COL25A1: variants seen among roughly 807,000 people sequenced by gnomAD.
COL25A1 encodes collagen type XXV alpha 1 chain.
A neutral mutation model predicts 128.4 loss-of-function variants in COL25A1; 103 were observed. The ratio of observed to expected loss-of-function variants is 0.80; its 90% CI spans 0.68 to 0.94. The LOEUF (loss-of-function observed/expected upper bound fraction) is 0.94. Among genes scored for constraint, COL25A1 ranks in the 40% least tolerant of loss-of-function variants. COL25A1 has a pLI of 0.00. For synonymous variants in COL25A1, 279 were observed against 277.2 expected, an observed-to-expected ratio of 1.01 and a Z score of -0.06; for missense variants, 745 against 840.0, an observed-to-expected ratio of 0.89 and a Z score of 1.40.
chr4:109,299,736 C>T (rs1307978734), intron 3 of COL25A1, among the ~76,000 whole-genome samples: 1 of 152,126 alleles, frequency 6.6e-6, no homozygotes, highest in Non-Finnish European at 1.5e-5. Context: ...AAATAAACAT[C>T]TCAACTCATG....
intron 8 of COL25A1, among the ~76,000 whole-genome samples, chr4:108,961,622 TTCTGTTGTTG>T (rs1400277903): frequency 6.0e-5 from 9 of 151,254 alleles, no homozygotes; most frequent in African/African-American, 2.2e-4. Context: ...TTCTGTTCTG[TTCTGTTGTTG>T]TGTTGTGCTG....
chr4:108,887,257 T>A (rs1219954038), intron 18 of COL25A1, among the ~76,000 whole-genome samples: 2 of 152,184 alleles, frequency 1.3e-5, no homozygotes, highest in East Asian at 3.9e-4. Context: ...TGTACTTTTC[T>A]GGGAGTGTCT....
intron 19 of COL25A1, among the ~76,000 whole-genome samples, chr4:108,870,544 C>T (rs1341099798): frequency 2.6e-5 from 4 of 151,684 alleles, no homozygotes; most frequent in African/African-American, 7.3e-5. Context: ...CATACCCTTA[C>T]GACTATTAGA....
At chr4:109,090,005 AG>A (rs1451687524) in intron 3 of COL25A1, among the ~76,000 whole-genome samples, 3 of 152,022 alleles carry the variant, frequency 2.0e-5, no homozygotes, top group African/African-American at 7.2e-5. Context: ...ATGAAGTTTG[AG>A]TTTACCAAAT....
At chr4:109,145,400 A>G (rs182770706) in intron 3 of COL25A1, among the ~76,000 whole-genome samples, 1 of 152,308 alleles carries the variant, frequency 6.6e-6, no homozygotes, top group Non-Finnish European at 1.5e-5. Context: ...ATATAGCCAC[A>G]TTCTGTGAAG....
At chr4:108,971,993 T>C (rs1433360653) in intron 8 of COL25A1, among the ~76,000 whole-genome samples, 2 of 152,190 alleles carry the variant, frequency 1.3e-5, no homozygotes, top group Non-Finnish European at 2.9e-5. Context: ...TCTTAATTTC[T>C]ATATGATCTT....
chr4:109,065,725 T>C (rs1762393191), intron 3 of COL25A1, among the ~76,000 whole-genome samples: 1 of 152,186 alleles, frequency 6.6e-6, no homozygotes, highest in Non-Finnish European at 1.5e-5. Flanking sequence ...TGAACAACTC[T>C]ATTTTTATTT....
intron 3 of COL25A1, among the ~76,000 whole-genome samples, chr4:109,236,922 CA>C (rs1001412711): frequency 2.0e-5 from 3 of 150,860 alleles, no homozygotes; most frequent in Non-Finnish European, 3.0e-5. Flanking sequence ...TTTAAGTGTA[CA>C]AAAAAAATTT....
intron 24 of COL25A1, among the ~76,000 whole-genome samples, chr4:108,856,256 T>G (rs997416966): frequency 6.6e-6 from 1 of 152,220 alleles, no homozygotes; most frequent in African/African-American, 2.4e-5. Context: ...GAGGTTTTAC[T>G]GCTAATTTGT....
At chr4:109,160,141 G>A (rs1772419903) in intron 3 of COL25A1, among the ~76,000 whole-genome samples, 1 of 152,070 alleles carries the variant, frequency 6.6e-6, no homozygotes, top group Admixed American at 6.6e-5. Flanking sequence ...TATGACCAAA[G>A]TTTAAACACC....
intron 3 of COL25A1, among the ~76,000 whole-genome samples, chr4:109,088,418 T>C (rs1764598587): frequency 6.6e-6 from 1 of 152,230 alleles, no homozygotes; most frequent in Non-Finnish European, 1.5e-5. Context: ...TATTTTTAAT[T>C]GTAAATTGAC....
At chr4:109,202,333 AATG>A (rs1461014128) in intron 3 of COL25A1, among the ~76,000 whole-genome samples, 8 of 152,158 alleles carry the variant, frequency 5.3e-5, no homozygotes, top group African/African-American at 1.9e-4. Flanking sequence ...ATCATTGACA[AATG>A]AGCAATGGCA....
chr4:109,155,949 A>T (rs990065201), intron 3 of COL25A1, among the ~76,000 whole-genome samples: 1 of 152,226 alleles, frequency 6.6e-6, no homozygotes, highest in Non-Finnish European at 1.5e-5. Context: ...GATCCATAAG[A>T]AAAACAAAAA....
At chr4:109,113,890 T>C (rs151151146) in intron 3 of COL25A1, among the ~76,000 whole-genome samples, 1 of 152,070 alleles carries the variant, frequency 6.6e-6, no homozygotes, top group Non-Finnish European at 1.5e-5. Context: ...TAACTTAGCA[T>C]CCCTAAGTGT....
chr4:108,978,968 T>C (rs1370015183), intron 6 of COL25A1, among the ~76,000 whole-genome samples: 1 of 152,220 alleles, frequency 6.6e-6, no homozygotes, highest in East Asian at 1.9e-4. Flanking sequence ...TAGTTGTATG[T>C]AATTAATCCT....
intron 5 of COL25A1, among the ~76,000 whole-genome samples, chr4:109,032,872 G>A (rs1758998502): frequency 6.6e-6 from 1 of 152,190 alleles, no homozygotes; most frequent in South Asian, 2.1e-4. Context: ...ACTGGGGAGA[G>A]AATAAAGCAC....
Position 108,885,989 on chromosome 4 carries a change from T to G in COL25A1, c.976-1767A>C, listed in dbSNP as rs1045358382. On this transcript the variant is annotated intron_variant, in intron 18 of 37. Coordinates refer to ENST00000399132, the MANE Select transcript of COL25A1 (RefSeq NM_198721.4). ...CATACATAGACACACACCCATGTTT[T>G]TAATCAAGAAAAAGATGTGTAAGAC... is the stretch of plus-strand genomic sequence containing the variant. Among the ~76,000 whole-genome samples the G allele has an allele frequency of 2.0e-5, 3 of 152,194 alleles. 1 individual carries two copies. The highest frequency in any genetic ancestry group is 6.3e-3 in the Middle Eastern group (2 of 316).
chr4:109,256,956 C>A (rs924507435), intron 3 of COL25A1, among the ~76,000 whole-genome samples: 2 of 152,202 alleles, frequency 1.3e-5, no homozygotes, highest in Non-Finnish European at 2.9e-5. Context: ...TTTGACCACA[C>A]TGACAAGTTC....
rs1240701891 is a variant in COL25A1 at position 108,811,502 on chromosome 4, G to C, written c.*2425C>G. 2.0e-5 allele frequency: 3 copies of C among 151,996 alleles called. No individual in the cohort carries two copies. Among genetic ancestry groups the C allele is most frequent in the Admixed American group, 6.6e-5 (1 of 15,258 alleles). The allele number at this position is 151,996 out of a possible 1,614,324, so 9.4% of individuals were successfully genotyped here. On this transcript the variant is annotated 3_prime_UTR_variant, in exon 38 of 38. Coordinates refer to ENST00000399132, the MANE Select transcript of COL25A1 (RefSeq NM_198721.4). Reference sequence around the variant, plus strand: ...CCTGAAGCTGTGCAAGTTTTAAATAGTGATCCATTTCAATCCACCTCTTTC... The same window carrying C: ...CCTGAAGCTGTGCAAGTTTTAAATACTGATCCATTTCAATCCACCTCTTTC...
Sources: gnomAD v4.1 joint callset for allele counts (sites outside exome capture counted in the v4.1 genomes callset) on GRCh38, gnomAD v4.1.1 for gene constraint, MANE v1.5 for transcripts, NCBI Gene and HGNC (gene_info 2026-07-23, HGNC 2026-07-21) for gene names.